GPR35: variants seen among roughly 807,000 people sequenced by gnomAD.
GPR35 encodes KYNA receptor.
For missense variants in GPR35, 372 were observed against 422.5 expected (o/e 0.88, Z 1.05); for synonymous variants, 207 against 198.4 (o/e 1.04, Z -0.36).
chr2:240,632,092 G>A lies in GPR35; in HGVS notation c.*1210G>A, dbSNP rs2125491542. On this transcript the variant is annotated 3_prime_UTR_variant, in exon 2 of 2. Coordinates refer to ENST00000407714, the MANE Select transcript of GPR35 (RefSeq NM_005301.5). ...GCCCAGGATGGTCCATGAGCAGGAG[G>A]GCCTCATTCCCAGGAGGGTCCCGTG... is the stretch of plus-strand genomic sequence containing the variant. 3.1e-5 allele frequency among the ~76,000 whole-genome samples: 2 copies of A among 65,222 alleles called. No individual in the cohort carries two copies. The highest frequency in any genetic ancestry group is 6.5e-5 in the African/African-American group (2 of 30,822). 42.8% of individuals were successfully genotyped at this position (65,222 alleles called of 152,430 possible).
intron 2 of GPR35, among the ~76,000 whole-genome samples, chr2:240,608,768 A>G (rs1271574542): frequency 6.6e-6 from 1 of 152,172 alleles, no homozygotes; most frequent in East Asian, 1.9e-4. Flanking sequence ...TGAGCTGGCC[A>G]GTGTTTCTCC....
Position 240,631,224 on chromosome 2 carries a change from G to A in GPR35, c.*342G>A. The stretch of plus-strand genomic sequence containing the variant: ...GATGACACCTGCCGCTGCCCCTCGG[G>A]GCTGGAATAAAACTCCCCACCCAGA... On this transcript the variant is annotated 3_prime_UTR_variant, in exon 2 of 2. Transcript: ENST00000407714. 1 of 329,744 alleles carries A rather than the reference G, an allele frequency of 3.0e-6. No homozygotes were observed. The highest frequency in any genetic ancestry group is 2.1e-5 in the African/African-American group (1 of 47,756). The allele number at this position is 329,744 out of a possible 1,614,324, so 20.4% of individuals were successfully genotyped here.
Position 240,631,221 on chromosome 2 carries a change from C to T in GPR35, c.*339C>T, listed in dbSNP as rs546323503. 1.0e-4 allele frequency: 33 copies of T among 330,502 alleles called. No individual in the cohort carries two copies. The East Asian group carries it at 1.5e-3, about 15-fold the overall frequency. The allele number at this position is 330,502 out of a possible 1,614,324, so 20.5% of individuals were successfully genotyped here. On this transcript the variant is annotated 3_prime_UTR_variant, in exon 2 of 2. Transcript: ENST00000407714. ...CTTGATGACACCTGCCGCTGCCCCT[C>T]GGGGCTGGAATAAAACTCCCCACCC...
At chr2:240,625,738 CA>C (rs1559438593) in intron 1 of GPR35, among the ~76,000 whole-genome samples, 170 bp downstream of exon 1, 1 of 31,058 alleles carries the variant, frequency 3.2e-5, no homozygotes, top group Non-Finnish European at 6.2e-5. Context: ...GAGGCTGTGA[CA>C]GGGTCTCAGA....
chr2:240,611,744 G>A (rs1164852989), intron 2 of GPR35, among the ~76,000 whole-genome samples: 1 of 152,206 alleles, frequency 6.6e-6, no homozygotes, highest in Non-Finnish European at 1.5e-5. Context: ...GAGATACCTG[G>A]TAGACATTTC....
chr2:240,621,683 C>A (rs927948047), upstream of GPR35, among the ~76,000 whole-genome samples: 28 of 151,642 alleles, frequency 1.8e-4, no homozygotes, highest in Admixed American at 7.2e-4. Flanking sequence ...GGGTCTCACT[C>A]AGGAAGGAAG....
At chr2:240,606,925 T>C (rs1383374933) in intron 2 of GPR35, among the ~76,000 whole-genome samples, 3 of 152,196 alleles carry the variant, frequency 2.0e-5, no homozygotes, top group African/African-American at 7.2e-5. Flanking sequence ...TTTCTCTGGC[T>C]GAAGTCTCGA....
In GPR35 at chr2:240,629,931, C is replaced by T; in HGVS notation, c.-4-18C>T. On this transcript the variant is annotated intron_variant, in intron 1 of 1. Transcript: ENST00000407714. The stretch of plus-strand genomic sequence containing the variant: ...CTGCTCACTCTCTGCTGACCTCCGG[C>T]TCCCTGTGCTGCCCCAGGACCATGA... The T allele has an allele frequency of 1.9e-6, 3 of 1,581,730 alleles. No individual in the cohort carries two copies. The highest frequency in any genetic ancestry group is 2.6e-6 in the Non-Finnish European group (3 of 1,158,412).
Position 240,630,794 on chromosome 2 carries a change from A to G in GPR35, c.842A>G (p.Lys281Arg). ...LDAICYYYMA[K>R]EFQEASALAV... Reference sequence around the variant, plus strand: ...GCCATCTGCTACTACTACATGGCCAAGGAGTTCCAGGAGGCGTCTGCACTG... The same window carrying G: ...GCCATCTGCTACTACTACATGGCCAGGGAGTTCCAGGAGGCGTCTGCACTG... Residue 281 changes from lysine to arginine, a missense_variant, in exon 2 of 2, where the codon AAG (lysine) becomes AGG (arginine). By Grantham distance (26) the Lys-to-Arg change is conservative. Transcript: ENST00000407714. 6.2e-7 allele frequency: 1 copy of G among 1,613,430 alleles called. No homozygotes were observed. The highest frequency in any genetic ancestry group is 8.5e-7 in the Non-Finnish European group (1 of 1,180,030).
intron 2 of GPR35, among the ~76,000 whole-genome samples, chr2:240,611,591 A>G (rs909495811): frequency 6.6e-6 from 1 of 152,222 alleles, no homozygotes; most frequent in Non-Finnish European, 1.5e-5. Flanking sequence ...TGACACTGAC[A>G]TATGTGGCCT....
At position 240,630,887 on chromosome 2, in the gene GPR35, C is replaced by A; in HGVS notation, c.*5C>A. 1 of 1,603,736 alleles carries A rather than the reference C, an allele frequency of 6.2e-7. No homozygotes were observed. The highest frequency in any genetic ancestry group is 8.5e-7 in the Non-Finnish European group (1 of 1,172,678). On this transcript the variant is annotated 3_prime_UTR_variant, in exon 2 of 2. Coordinates refer to ENST00000407714, the MANE Select transcript of GPR35 (RefSeq NM_005301.5). ...CTGTGCGTGACCCTCGCCTAAGAGG[C>A]GTGCTGTGGGCGCTGTGGGCCAGGT...
intron 2 of GPR35, among the ~76,000 whole-genome samples, chr2:240,614,344 C>G (rs2043219271): frequency 6.6e-6 from 1 of 152,208 alleles, no homozygotes; most frequent in African/African-American, 2.4e-5. Flanking sequence ...CAATCCTAAC[C>G]CTAATCCAAA....
intron 1 of GPR35, chr2:240,628,582 A>C (rs930357880): frequency 1.3e-5 from 2 of 152,160 alleles, no homozygotes; most frequent in Non-Finnish European, 2.9e-5. Flanking sequence ...GTTCCCGGGG[A>C]CCACCGTGGG....
At chr2:240,624,663 C>T (rs2043348360), upstream of GPR35, among the ~76,000 whole-genome samples, 1 of 152,134 alleles carries the variant, frequency 6.6e-6, no homozygotes, top group African/African-American at 2.4e-5. Context: ...AGGCTGTGGT[C>T]AGGGGCTGTG....
chr2:240,619,884 A>G (rs903537404), intron 5 of GPR35, among the ~76,000 whole-genome samples: 17 of 152,076 alleles, frequency 1.1e-4, no homozygotes, highest in Non-Finnish European at 2.5e-4. Flanking sequence ...GGGCTCTTGG[A>G]CAGGAGGGCG....
upstream of GPR35, among the ~76,000 whole-genome samples, chr2:240,624,147 C>T (rs1339315629): frequency 6.6e-6 from 1 of 152,164 alleles, no homozygotes; most frequent in Non-Finnish European, 1.5e-5. Flanking sequence ...CCCTGCTTGA[C>T]GGCGGCCGGG....
chr2:240,621,377 C>T (rs906419614), upstream of GPR35, among the ~76,000 whole-genome samples: 1 of 152,144 alleles, frequency 6.6e-6, no homozygotes, highest in Non-Finnish European at 1.5e-5. Flanking sequence ...GTCTCAGCTT[C>T]CCGAGTAGCT....
chr2:240,626,565 GTGTGGGA>G (rs1445478774), intron 1 of GPR35, among the ~76,000 whole-genome samples: 5 of 152,126 alleles, frequency 3.3e-5, no homozygotes, highest in Non-Finnish European at 7.4e-5. Context: ...GCTTGTTGGA[GTGTGGGA>G]TGTGACATTT....
rs1220035604 is a variant in GPR35, at chr2:240,630,031, T to C, written c.79T>C (p.Leu27=). ...GATCAAGCTGGGCTTCTACGCCTAC[T>C]TGGGCGTCCTGCTGGTGCTAGGCCT... is the stretch of plus-strand genomic sequence containing the variant. ...PAIKLGFYAY[L]GVLLVLGLLL... The change falls in exon 2 of 2, where the codon TTG becomes CTG. Residue 27 remains leucine, a synonymous_variant. Transcript: ENST00000407714. The C allele has an allele frequency of 4.3e-6, 7 of 1,612,874 alleles. No homozygotes were observed. Among genetic ancestry groups the C allele is most frequent in the Non-Finnish European group, 3.4e-6 (4 of 1,179,920 alleles).
Sources: gnomAD v4.1 joint callset for allele counts (sites outside exome capture counted in the v4.1 genomes callset) on GRCh38, gnomAD v4.1.1 for gene constraint, MANE v1.5 for transcripts, NCBI Gene and HGNC (gene_info 2026-07-23, HGNC 2026-07-21) for gene names.